THRB: variants seen among roughly 807,000 people sequenced by gnomAD.
THRB encodes thyroid hormone receptor beta, also known as nuclear receptor subfamily 1 group A member 2.
Under a neutral mutation model 47.8 loss-of-function variants are expected in THRB, and 12 were observed. That is an observed-to-expected ratio of 0.25 (90% CI 0.16 to 0.41). THRB has a LOEUF of 0.41. THRB is among the 10% of genes least tolerant of loss of function. THRB has a pLI of 1.00. For missense variants in THRB, 348 were observed against 589.2 expected (o/e 0.59, Z 4.24); for synonymous variants, 218 against 212.2 (o/e 1.03, Z -0.24).
At chr3:24,431,643 TAACTC>T (rs769340201) in intron 1 of THRB, among the ~76,000 whole-genome samples, 1 of 152,122 alleles carries the variant, frequency 6.6e-6, no homozygotes, top group African/African-American at 2.4e-5. Flanking sequence ...TAGAAAAACT[TAACTC>T]AACATGAACC....
intron 4 of THRB, among the ~76,000 whole-genome samples, chr3:24,213,675 T>G (rs917670748): frequency 2.0e-5 from 3 of 152,126 alleles, no homozygotes; most frequent in African/African-American, 7.2e-5. Context: ...GCACAAACAT[T>G]CTAAAGGGAT....
intron 1 of THRB, among the ~76,000 whole-genome samples, chr3:24,438,790 AAGGTAGAAGCCCCTGTC>A: frequency 6.6e-6 from 1 of 152,088 alleles, no homozygotes; most frequent in South Asian, 2.1e-4. Flanking sequence ...AGTAGATGAG[AAGGTAGAAGCCCCTGTC>A]AGGTAGAAGG....
At position 24,299,785 on chromosome 3, in the gene THRB, A is replaced by ATT. The variant is rs201258529; in HGVS notation, c.-188-2416_-188-2415dup. 1.3e-4 allele frequency among the ~76,000 whole-genome samples: 8 copies of ATT among 62,918 alleles called. No homozygotes were observed. The South Asian group carries it at 1.5e-3, about 12-fold the overall frequency. The allele number at this position is 62,918 out of a possible 152,430, so 41.3% of individuals were successfully genotyped here. Reference sequence around the variant, plus strand: ...AGTATGCTTTTTTATTTATTTATTTATTTATTTTTTTTTTTTTAGCAAACA... The same window carrying ATT: ...AGTATGCTTTTTTATTTATTTATTTATTTTTATTTTTTTTTTTTTAGCAAACA... On this transcript the variant is annotated intron_variant, in intron 2 of 10. Coordinates refer to ENST00000646209, the MANE Select transcript of THRB (RefSeq NM_001354712.2).
At chr3:24,352,093 T>A (rs2063392936) in intron 1 of THRB, among the ~76,000 whole-genome samples, 1 of 152,150 alleles carries the variant, frequency 6.6e-6, no homozygotes, top group South Asian at 2.1e-4. Context: ...GGGTGTAAAG[T>A]CTTTCTCAGG....
At chr3:24,131,859 T>G (rs1249725069) in intron 9 of THRB, among the ~76,000 whole-genome samples, 1 of 152,218 alleles carries the variant, frequency 6.6e-6, no homozygotes, top group Non-Finnish European at 1.5e-5. Context: ...GTCTATGGTA[T>G]TCTGTTGCAG....
chr3:24,273,442 T>G (rs927672206), intron 3 of THRB, among the ~76,000 whole-genome samples: 1 of 152,224 alleles, frequency 6.6e-6, no homozygotes, highest in Admixed American at 6.5e-5. Flanking sequence ...CACAGGGTTA[T>G]GGTTATAACT....
At chr3:24,285,529 A>G (rs1482264030) in intron 3 of THRB, among the ~76,000 whole-genome samples, 1 of 151,284 alleles carries the variant, frequency 6.6e-6, no homozygotes, top group East Asian at 2.0e-4. Flanking sequence ...ACATGTATAC[A>G]TATGTAACTA....
At chr3:24,279,096 T>G (rs1468131317) in intron 3 of THRB, among the ~76,000 whole-genome samples, 1 of 152,174 alleles carries the variant, frequency 6.6e-6, no homozygotes, top group Non-Finnish European at 1.5e-5. Flanking sequence ...CCTCTTGTTT[T>G]GGCCTCCCAA....
At chr3:24,355,023 C>T (rs2063583145) in intron 1 of THRB, among the ~76,000 whole-genome samples, 1 of 152,076 alleles carries the variant, frequency 6.6e-6, no homozygotes, top group African/African-American at 2.4e-5. Flanking sequence ...TTTAATTTCA[C>T]ATAACATATA....
intron 1 of THRB, among the ~76,000 whole-genome samples, chr3:24,361,226 G>T (rs1222099243): frequency 6.6e-6 from 1 of 152,116 alleles, no homozygotes; most frequent in East Asian, 1.9e-4. Flanking sequence ...TATATTTATG[G>T]TTATGCACTT....
chr3:24,343,562 A>G (rs1392235045), intron 1 of THRB, among the ~76,000 whole-genome samples: 1 of 152,196 alleles, frequency 6.6e-6, no homozygotes, highest in African/African-American at 2.4e-5. Flanking sequence ...CCTGTTTCCA[A>G]GATACCATAA....
At chr3:24,369,558 T>G (rs2064755181) in intron 1 of THRB, among the ~76,000 whole-genome samples, 1 of 152,176 alleles carries the variant, frequency 6.6e-6, no homozygotes, top group Non-Finnish European at 1.5e-5. Flanking sequence ...GATAGAAGTC[T>G]ATCCATTGGT....
chr3:24,131,198 A>G (rs1356031173), intron 9 of THRB, among the ~76,000 whole-genome samples: 1 of 152,230 alleles, frequency 6.6e-6, no homozygotes, highest in Non-Finnish European at 1.5e-5. Context: ...ATATGTATGT[A>G]TGTGTATATG....
intron 1 of THRB, among the ~76,000 whole-genome samples, chr3:24,471,689 G>A (rs896582419): frequency 5.3e-5 from 8 of 152,128 alleles, no homozygotes; most frequent in African/African-American, 1.9e-4. Flanking sequence ...GAGCCAGAGG[G>A]CTTTGGCAGA....
chr3:24,177,582 C>G (rs868483611), intron 5 of THRB, among the ~76,000 whole-genome samples: 7 of 152,144 alleles, frequency 4.6e-5, no homozygotes, highest in Middle Eastern at 3.2e-3. Context: ...AAAATTTCAT[C>G]ACAGCATTAA....
intron 1 of THRB, among the ~76,000 whole-genome samples, chr3:24,425,321 T>G (rs912361205): frequency 1.3e-5 from 2 of 151,956 alleles, no homozygotes. Context: ...CAAGGATGAC[T>G]TCATAGGGTT....
At chr3:24,353,290 G>A (rs926748267) in intron 1 of THRB, among the ~76,000 whole-genome samples, 3 of 151,904 alleles carry the variant, frequency 2.0e-5, no homozygotes, top group East Asian at 3.9e-4. Flanking sequence ...CACACAGTCA[G>A]TGTAAATGTC....
intron 1 of THRB, among the ~76,000 whole-genome samples, chr3:24,409,803 A>T (rs1019338696): frequency 2.6e-5 from 4 of 151,834 alleles, no homozygotes; most frequent in Non-Finnish European, 4.4e-5. Context: ...AATGTAAAAA[A>T]TACCCCTGAA....
At chr3:24,167,306 A>G (rs2039776841) in intron 5 of THRB, among the ~76,000 whole-genome samples, 1 of 152,198 alleles carries the variant, frequency 6.6e-6, no homozygotes, top group African/African-American at 2.4e-5. Flanking sequence ...ATGAATCACA[A>G]TATCCTAGAA....
Sources: gnomAD v4.1 joint callset for allele counts (sites outside exome capture counted in the v4.1 genomes callset) on GRCh38, gnomAD v4.1.1 for gene constraint, MANE v1.5 for transcripts, NCBI Gene and HGNC (gene_info 2026-07-23, HGNC 2026-07-21) for gene names.